Variants in SLC44A5 observed in about 807,000 individuals in gnomAD.
The protein encoded by SLC44A5 is choline transporter-like protein 5.
In SLC44A5, 57 loss-of-function variants were observed where a neutral mutation model predicts 101.8. The observed-to-expected ratio is 0.56, with a 90% confidence interval of 0.45 to 0.70. The LOEUF is 0.70. Among genes scored for constraint, SLC44A5 ranks in the 30% least tolerant of loss-of-function variants. SLC44A5 has a pLI of 0.00. For synonymous variants in SLC44A5, 281 were observed against 290.9 expected (o/e 0.97, Z 0.35); for missense variants, 737 against 853.1 (o/e 0.86, Z 1.70).
chr1:75,462,296 C>T (rs548649703), intron 2 of SLC44A5, among the ~76,000 whole-genome samples: 1 of 152,300 alleles, frequency 6.6e-6, no homozygotes, highest in Admixed American at 6.5e-5. Flanking sequence ...GGTGGCACCT[C>T]TACACGTCTG....
chr1:75,294,054 T>C (rs1219935137), intron 5 of SLC44A5, among the ~76,000 whole-genome samples: 1 of 152,220 alleles, frequency 6.6e-6, no homozygotes, highest in Non-Finnish European at 1.5e-5. Flanking sequence ...CCTGGAACAA[T>C]TTAAAAAACA....
At chr1:75,388,421 TC>T (rs1661549748) in intron 3 of SLC44A5, among the ~76,000 whole-genome samples, 1 of 149,964 alleles carries the variant, frequency 6.7e-6, no homozygotes, top group African/African-American at 2.5e-5. Flanking sequence ...CTACAAAGTA[TC>T]CAGCTAACAA....
chr1:75,628,976 G>T, the SLC44A5 span, among the ~76,000 whole-genome samples: 1 of 151,908 alleles, frequency 6.6e-6, no homozygotes, highest in East Asian at 1.9e-4. Flanking sequence ...GGGAACTATT[G>T]GAAATCTCCC....
At chr1:75,258,144 A>C (rs1650171585) in intron 6 of SLC44A5, among the ~76,000 whole-genome samples, 1 of 152,014 alleles carries the variant, frequency 6.6e-6, no homozygotes, top group South Asian at 2.1e-4. Flanking sequence ...AGCTAGTCAC[A>C]GTTTTTTTTC....
At chr1:75,287,015 G>A (rs184727367) in intron 5 of SLC44A5, among the ~76,000 whole-genome samples, 29 of 152,176 alleles carry the variant, frequency 1.9e-4, no homozygotes, top group African/African-American at 6.0e-4. Context: ...AGTTTTCCTC[G>A]ATTAGTCCCT....
chr1:75,583,464 C>G (rs1673816836), intron 1 of SLC44A5, among the ~76,000 whole-genome samples: 1 of 152,162 alleles, frequency 6.6e-6, no homozygotes, highest in African/African-American at 2.4e-5. Context: ...CCCCAGTAGA[C>G]AGCCCTCTTA....
intron 1 of SLC44A5, among the ~76,000 whole-genome samples, chr1:75,609,303 G>A (rs1675513340): frequency 6.6e-6 from 1 of 151,196 alleles, no homozygotes; most frequent in African/African-American, 2.4e-5. Context: ...TCATTTCTTT[G>A]GGTTTTTTCT....
intron 2 of SLC44A5, among the ~76,000 whole-genome samples, chr1:75,464,221 C>CAAAAAAAAAAAAAAAAAA (rs57630961): frequency 7.7e-5 from 4 of 52,220 alleles, no homozygotes; most frequent in Non-Finnish European, 7.4e-5. Flanking sequence ...GACTCTGTCT[C>CAAAAAAAAAAAAAAAAAA]AAAAAAAAAA....
At chr1:75,684,717 T>C in the SLC44A5 span, among the ~76,000 whole-genome samples, 1 of 152,200 alleles carries the variant, frequency 6.6e-6, no homozygotes, top group East Asian at 1.9e-4. Flanking sequence ...CCCCTGTGGC[T>C]CTGCAGAGTA....
At chr1:75,391,136 A>G (rs1347443504) in intron 3 of SLC44A5, among the ~76,000 whole-genome samples, 1 of 152,164 alleles carries the variant, frequency 6.6e-6, no homozygotes, top group African/African-American at 2.4e-5. Context: ...CATTTAACCA[A>G]TGGTGTAAAA....
chr1:75,347,615 A>G, intron 3 of SLC44A5, among the ~76,000 whole-genome samples: 1 of 152,034 alleles, frequency 6.6e-6, no homozygotes, highest in East Asian at 1.9e-4. Context: ...ATAAGCTGTT[A>G]TTGAGAGAGA....
At chr1:75,354,375 A>G (rs191648380) in intron 3 of SLC44A5, among the ~76,000 whole-genome samples, 22 of 152,350 alleles carry the variant, frequency 1.4e-4, no homozygotes, top group Non-Finnish European at 2.2e-4. Context: ...TTGGGAGAGA[A>G]GCTGAGGCAG....
At chr1:75,672,646 C>T in the SLC44A5 span, among the ~76,000 whole-genome samples, 1 of 152,112 alleles carries the variant, frequency 6.6e-6, no homozygotes, top group East Asian at 1.9e-4. Context: ...CTTGCATGAC[C>T]CCTCCCCAAA....
chr1:75,478,416 G>A (rs552761976), intron 2 of SLC44A5, among the ~76,000 whole-genome samples: 21 of 152,298 alleles, frequency 1.4e-4, no homozygotes, highest in Admixed American at 5.2e-4. Flanking sequence ...AACTTTAAAT[G>A]TAAATGGACT....
the SLC44A5 span, among the ~76,000 whole-genome samples, chr1:75,681,954 T>C: frequency 5.9e-5 from 9 of 151,768 alleles, no homozygotes; most frequent in Non-Finnish European, 1.0e-4. Context: ...AGCATTCCTA[T>C]ACACCAACAA....
chr1:75,575,421 G>A (rs1673305662), intron 1 of SLC44A5, among the ~76,000 whole-genome samples: 1 of 152,144 alleles, frequency 6.6e-6, no homozygotes, highest in South Asian at 2.1e-4. Context: ...TATTGACTAT[G>A]CACTACATTT....
the SLC44A5 span, among the ~76,000 whole-genome samples, chr1:75,634,311 T>C: frequency 0.017 from 2,595 of 152,276 alleles, 26 homozygotes; most frequent in Non-Finnish European, 0.025. Flanking sequence ...AGTTCCTCCT[T>C]GTACCTCTGG....
Position 75,543,503 on chromosome 1 carries a change from C to T in SLC44A5, c.-69-1987G>A, listed in dbSNP as rs1036145597. 3.3e-5 allele frequency among the ~76,000 whole-genome samples: 5 copies of T among 151,494 alleles called. No homozygotes were observed. In the Admixed American group the frequency reaches 3.3e-4, roughly 10 times the overall value. ...GCATTTTGTTATGTAGCTGTTGCCC[C>T]TCGCAACTGTCAGAGACTGTTCTCG... On this transcript the variant is annotated intron_variant, in intron 1 of 23. Transcript: ENST00000370859.
chr1:75,233,434 T>G (rs1647776676), intron 12 of SLC44A5, among the ~76,000 whole-genome samples: 1 of 151,914 alleles, frequency 6.6e-6, no homozygotes. Flanking sequence ...CACACATTAT[T>G]TAGCTCCCAC....
Sources: gnomAD v4.1 joint callset for allele counts (sites outside exome capture counted in the v4.1 genomes callset) on GRCh38, gnomAD v4.1.1 for gene constraint, MANE v1.5 for transcripts, NCBI Gene and HGNC (gene_info 2026-07-23, HGNC 2026-07-21) for gene names.